PALLD: variants seen among roughly 807,000 people sequenced by gnomAD.
PALLD encodes palladin, cytoskeletal associated protein.
PALLD carries 61 observed loss-of-function variants against 123.5 expected under a neutral mutation model. The observed-to-expected ratio is 0.49, with a 90% CI of 0.40 to 0.61. PALLD has a LOEUF of 0.61. PALLD is among the 20% of genes least tolerant of loss of function. The pLI, the probability that PALLD is intolerant of heterozygous loss-of-function variation, is 0.00. For missense variants in PALLD, 1,273 were observed against 1,377.0 expected, an observed-to-expected ratio of 0.92 and a Z score of 1.20; for synonymous variants, 465 against 496.4, an observed-to-expected ratio of 0.94 and a Z score of 0.84.
intron 2 of PALLD, among the ~76,000 whole-genome samples, chr4:168,532,610 T>TA (rs368898427): frequency 6.6e-6 from 1 of 152,208 alleles, no homozygotes; most frequent in African/African-American, 2.4e-5. Flanking sequence ...ATTACGTAAG[T>TA]AAAAATTTCA....
chr4:168,550,202 G>A (rs928905799), intron 2 of PALLD, among the ~76,000 whole-genome samples: 2 of 152,184 alleles, frequency 1.3e-5, no homozygotes, highest in African/African-American at 2.4e-5. Flanking sequence ...TAATAAAAAG[G>A]AGAGAAGAGT....
chr4:168,928,201 T>TATC lies in PALLD; in HGVS notation c.*2022_*2024dup, dbSNP rs1243416653. The TATC allele has an allele frequency of 5.4e-6, 1 of 186,324 alleles. No individual in the cohort carries two copies. The highest frequency in any genetic ancestry group is 1.1e-5 in the Non-Finnish European group (1 of 87,742). 11.5% of individuals were successfully genotyped at this position (186,324 alleles called of 1,614,324 possible). A position where few individuals can be genotyped will look rare whatever the true frequency, so the allele number is the denominator to read the frequency against. ...TACCATACACAGTCTCTCATGGACC[T>TATC]ATCTCTATTGTAGAATTATGACTTA... On this transcript the variant is annotated 3_prime_UTR_variant, in exon 22 of 22. Coordinates refer to ENST00000505667, the MANE Select transcript of PALLD (RefSeq NM_001166108.2).
chr4:168,768,096 A>T (rs928612534), intron 10 of PALLD, among the ~76,000 whole-genome samples: 1 of 152,138 alleles, frequency 6.6e-6, no homozygotes, highest in African/African-American at 2.4e-5. Context: ...TCTTCCGTGA[A>T]GTTTACCCGA....
At chr4:168,734,410 T>G (rs1787522933) in intron 10 of PALLD, among the ~76,000 whole-genome samples, 1 of 152,164 alleles carries the variant, frequency 6.6e-6, no homozygotes, top group African/African-American at 2.4e-5. Context: ...GGCCATAATC[T>G]ATGTGTCTCC....
At chr4:168,573,073 A>G (rs967542175) in intron 2 of PALLD, among the ~76,000 whole-genome samples, 29 of 151,178 alleles carry the variant, frequency 1.9e-4, no homozygotes, top group Admixed American at 6.6e-5. Context: ...TCCCCAACTC[A>G]CGCCTACAGC....
intron 8 of PALLD, among the ~76,000 whole-genome samples, chr4:168,692,215 G>A (rs1782700943): frequency 6.6e-6 from 1 of 152,152 alleles, no homozygotes. Context: ...TCAGATTACT[G>A]CAGTCAGTCC....
intron 2 of PALLD, among the ~76,000 whole-genome samples, chr4:168,562,545 G>T (rs1475609295): frequency 6.6e-6 from 1 of 152,210 alleles, no homozygotes; most frequent in African/African-American, 2.4e-5. Context: ...AAAGATGCAG[G>T]CTGGAAAGTA....
At chr4:168,874,312 G>A (rs2151095579) in intron 10 of PALLD, among the ~76,000 whole-genome samples, 1 of 152,266 alleles carries the variant, frequency 6.6e-6, no homozygotes, top group African/African-American at 2.4e-5. Context: ...TTAATCTAGT[G>A]GTAGGAGAGA....
intron 10 of PALLD, among the ~76,000 whole-genome samples, chr4:168,855,829 A>G (rs1748530064): frequency 6.6e-6 from 1 of 152,234 alleles, no homozygotes. Flanking sequence ...TTCACAGTCT[A>G]GGAGGGAAGT....
At chr4:168,863,730 A>T (rs753943912) in intron 10 of PALLD, 6 of 152,162 alleles carry the variant, frequency 3.9e-5, no homozygotes, top group Non-Finnish European at 8.8e-5. Flanking sequence ...TAGATCTTTT[A>T]TTTACTCCTG....
chr4:168,682,940 A>C (rs1244855021), intron 4 of PALLD, 58 bp from the exon 5 acceptor site: 9 of 1,050,184 alleles, frequency 8.6e-6, no homozygotes, highest in East Asian at 2.4e-5. Flanking sequence ...AAAAAAAAAA[A>C]ACAAAAAAAC....
chr4:168,760,305 C>G (rs1490966353), intron 10 of PALLD, among the ~76,000 whole-genome samples: 1 of 144,598 alleles, frequency 6.9e-6, no homozygotes, highest in East Asian at 2.4e-4. Flanking sequence ...CTCCCTAGTT[C>G]CCGGCTCTGG....
chr4:168,683,740 CA>C (rs1195945163), intron 5 of PALLD, among the ~76,000 whole-genome samples: 3 of 152,022 alleles, frequency 2.0e-5, no homozygotes, highest in African/African-American at 7.2e-5. Context: ...TGAATATGTT[CA>C]AAGACAACAC....
intron 10 of PALLD, among the ~76,000 whole-genome samples, chr4:168,821,693 T>C (rs1452098874): frequency 6.6e-6 from 1 of 151,698 alleles, no homozygotes; most frequent in Non-Finnish European, 1.5e-5. Context: ...CTGGCCAAAA[T>C]GGTGAAACCT....
chr4:168,508,879 C>A (rs1762270927), intron 1 of PALLD, among the ~76,000 whole-genome samples: 1 of 152,120 alleles, frequency 6.6e-6, no homozygotes, highest in Non-Finnish European at 1.5e-5. Context: ...CTGGCTTCCC[C>A]TAAAGTTATC....
chr4:168,514,487 T>C (rs890882294), intron 2 of PALLD, among the ~76,000 whole-genome samples: 2 of 152,244 alleles, frequency 1.3e-5, no homozygotes, highest in East Asian at 3.8e-4. Context: ...TAAAAAACTT[T>C]TTCATGTGTT....
intron 10 of PALLD, among the ~76,000 whole-genome samples, chr4:168,728,729 A>G (rs1581174696): frequency 2.0e-5 from 3 of 151,978 alleles, no homozygotes; most frequent in Admixed American, 2.0e-4. Flanking sequence ...CCCATAAGTT[A>G]TTGTGGTACA....
chr4:168,838,090 T>A (rs78533796), intron 10 of PALLD, among the ~76,000 whole-genome samples: 232 of 152,316 alleles, frequency 1.5e-3, no homozygotes, highest in African/African-American at 5.4e-3. Context: ...GCAACCCATT[T>A]TATGTCGTAA....
intron 2 of PALLD, among the ~76,000 whole-genome samples, chr4:168,628,391 AC>A (rs1775504945): frequency 6.6e-6 from 1 of 152,206 alleles, no homozygotes; most frequent in South Asian, 2.1e-4. Flanking sequence ...AAATACTTAC[AC>A]TGGTTTAGCG....
Sources: gnomAD v4.1 joint callset for allele counts (sites outside exome capture counted in the v4.1 genomes callset) on GRCh38, gnomAD v4.1.1 for gene constraint, MANE v1.5 for transcripts, NCBI Gene and HGNC (gene_info 2026-07-23, HGNC 2026-07-21) for gene names.